Variants in GTF2A1 observed in about 807,000 individuals in gnomAD.
The protein encoded by GTF2A1 is transcription initiation factor IIA subunit 1.
A neutral mutation model predicts 54.1 loss-of-function variants in GTF2A1; 12 were observed. That is an observed-to-expected ratio of 0.22 (90% CI 0.14 to 0.36). The LOEUF (loss-of-function observed/expected upper bound fraction) is 0.36. GTF2A1 is among the 10% of genes least tolerant of loss of function. The pLI, the probability that GTF2A1 is intolerant of heterozygous loss-of-function variation, is 1.00. For missense variants in GTF2A1, 335 were observed against 442.2 expected, an observed-to-expected ratio of 0.76 and a Z score of 2.17; for synonymous variants, 145 against 152.0, an observed-to-expected ratio of 0.95 and a Z score of 0.34.
At chr14:81,214,351 A>G (rs1050499349) in intron 2 of GTF2A1, among the ~76,000 whole-genome samples, 1 of 152,178 alleles carries the variant, frequency 6.6e-6, no homozygotes, top group Middle Eastern at 3.2e-3. Flanking sequence ...GATTTATCAA[A>G]TTACTGAGAC....
chr14:81,186,833 C>T (rs1021208359), intron 7 of GTF2A1, among the ~76,000 whole-genome samples: 1 of 151,916 alleles, frequency 6.6e-6, no homozygotes, highest in African/African-American at 2.4e-5. Flanking sequence ...GCCTATAGTC[C>T]CACCTACTCA....
At chr14:81,201,753 TG>T (rs897580084) in intron 3 of GTF2A1, 95 bp from the exon 4 acceptor site, 12 of 779,494 alleles carry the variant, frequency 1.5e-5, no homozygotes, top group African/African-American at 3.5e-5. Flanking sequence ...ACTTTTTTCA[TG>T]TTTTTCATGT....
At chr14:81,209,649 C>T (rs1405847988) in intron 2 of GTF2A1, among the ~76,000 whole-genome samples, 1 of 152,198 alleles carries the variant, frequency 6.6e-6, no homozygotes, top group Non-Finnish European at 1.5e-5. Flanking sequence ...TGTTACCATA[C>T]ACCAACTGCT....
chr14:81,197,529 A>C (rs1224249803), intron 4 of GTF2A1, 45 bp from the exon 5 acceptor site: 3 of 993,416 alleles, frequency 3.0e-6, no homozygotes, highest in Non-Finnish European at 4.6e-6. Flanking sequence ...TACATGTATA[A>C]TACTGTTTCT....
At chr14:81,216,086 A>C (rs1048143965) in intron 2 of GTF2A1, among the ~76,000 whole-genome samples, 2 of 152,236 alleles carry the variant, frequency 1.3e-5, no homozygotes, top group Admixed American at 6.5e-5. Context: ...TAGACCATAA[A>C]ATGTAGAATG....
intron 2 of GTF2A1, among the ~76,000 whole-genome samples, chr14:81,208,439 G>A (rs910179003): frequency 6.6e-6 from 1 of 152,236 alleles, no homozygotes; most frequent in Non-Finnish European, 1.5e-5. Context: ...GTCTGCTACT[G>A]CAGAGGCAGA....
At chr14:81,202,378 C>G (rs1363524307) in intron 3 of GTF2A1, among the ~76,000 whole-genome samples, 1 of 152,156 alleles carries the variant, frequency 6.6e-6, no homozygotes, top group Non-Finnish European at 1.5e-5. Context: ...CTACATAGTC[C>G]TTTTCTTCCA....
At chr14:81,203,485 CAT>C (rs1893158326) in intron 3 of GTF2A1, among the ~76,000 whole-genome samples, 1 of 152,240 alleles carries the variant, frequency 6.6e-6, no homozygotes, top group Admixed American at 6.5e-5. Context: ...TTTGAAAGAA[CAT>C]GTTTTATAGA....
intron 7 of GTF2A1, among the ~76,000 whole-genome samples, chr14:81,185,943 C>T (rs1270238014): frequency 2.0e-5 from 3 of 152,226 alleles, no homozygotes; most frequent in African/African-American, 7.2e-5. Flanking sequence ...ACCTCTGCCT[C>T]CCGGCTTCGA....
rs1426559997 is a variant in GTF2A1 at position 81,179,578 on chromosome 14, T to C, written c.*645A>G. On this transcript the variant is annotated 3_prime_UTR_variant, in exon 9 of 9. Transcript: ENST00000553612. ...TATGAAAACCTAATTAAAATAAATATTCATTCCTGGGTCAAATTTTATCTC... is the reference window on the plus strand; with the variant it reads ...TATGAAAACCTAATTAAAATAAATACTCATTCCTGGGTCAAATTTTATCTC... 2.0e-5 allele frequency: 3 copies of C among 152,166 alleles called. No individual in the cohort carries two copies. The highest frequency in any genetic ancestry group is 7.2e-5 in the African/African-American group (3 of 41,448). 9.4% of individuals were successfully genotyped at this position (152,166 alleles called of 1,614,324 possible). A position where few individuals can be genotyped will look rare whatever the true frequency, so the allele number is the denominator to read the frequency against.
Position 81,180,139 on chromosome 14 carries a change from G to T in GTF2A1, c.*84C>A. 1 of 609,876 alleles carries T rather than the reference G, an allele frequency of 1.6e-6. No individual in the cohort carries two copies. Among genetic ancestry groups the T allele is most frequent in the Non-Finnish European group, 2.9e-6 (1 of 339,054 alleles). 37.8% of individuals were successfully genotyped at this position (609,876 alleles called of 1,614,324 possible). ...TCTGACATGCAGAAACGAAGTTTTG[G>T]TTGGCATATGCCCCAAGTTTCAAAC... On this transcript the variant is annotated 3_prime_UTR_variant, in exon 9 of 9. Coordinates refer to ENST00000553612, the MANE Select transcript of GTF2A1 (RefSeq NM_015859.4).
intron 2 of GTF2A1, among the ~76,000 whole-genome samples, chr14:81,212,018 G>T (rs936720030): frequency 6.6e-6 from 1 of 151,184 alleles, no homozygotes; most frequent in African/African-American, 2.4e-5. Context: ...AGTGCTACTG[G>T]CATCTAGTGG....
At position 81,220,878 on chromosome 14, in the gene GTF2A1, G is replaced by C. The variant is rs1028009587; in HGVS notation, c.-360C>G. 7.7e-6 allele frequency: 2 copies of C among 258,240 alleles called. No individual in the cohort carries two copies. The highest frequency in any genetic ancestry group is 1.4e-4 in the East Asian group (2 of 13,798). 16.0% of individuals were successfully genotyped at this position (258,240 alleles called of 1,614,324 possible). On this transcript the variant is annotated 5_prime_UTR_variant, in exon 1 of 9. Coordinates refer to ENST00000553612, the MANE Select transcript of GTF2A1 (RefSeq NM_015859.4). Reference sequence around the variant, plus strand: ...CCACCGGCTGCAGCTCCAGCCGTCCGGTCCGCCCGCTTCTCTCCTTTATAT... The same window carrying C: ...CCACCGGCTGCAGCTCCAGCCGTCCCGTCCGCCCGCTTCTCTCCTTTATAT...
chr14:81,205,634 T>A (rs1167515209), intron 2 of GTF2A1, among the ~76,000 whole-genome samples: 1 of 152,262 alleles, frequency 6.6e-6, no homozygotes, highest in Non-Finnish European at 1.5e-5. Context: ...CAGTTAGTCC[T>A]GGTTTGGCCA....
Position 81,220,541 on chromosome 14 carries a change from A to AG in GTF2A1, c.-24dup. On this transcript the variant is annotated 5_prime_UTR_variant, in exon 1 of 9. Coordinates refer to ENST00000553612, the MANE Select transcript of GTF2A1 (RefSeq NM_015859.4). ...CATTTCCACACACAACACAAACAAG[A>AG]GGGGGCAACCCCAAGAAAACAAGAT... 3 of 1,551,836 alleles carry AG rather than the reference A, an allele frequency of 1.9e-6. No homozygotes were observed. Among genetic ancestry groups the AG allele is most frequent in the African/African-American group, 1.4e-5 (1 of 73,030 alleles).
At chr14:81,180,936 T>C (rs1892625903) in intron 8 of GTF2A1, among the ~76,000 whole-genome samples, 2 of 152,224 alleles carry the variant, frequency 1.3e-5, no homozygotes, top group Non-Finnish European at 2.9e-5. Context: ...TATTTGTAAG[T>C]AATACAATTA....
At chr14:81,182,172 T>G (rs554611567) in intron 8 of GTF2A1, among the ~76,000 whole-genome samples, 120 of 152,156 alleles carry the variant, frequency 7.9e-4, no homozygotes, top group African/African-American at 2.8e-3. Context: ...TTCTTCTGGA[T>G]TCAAACTTTG....
At chr14:81,203,276 G>GCCT (rs1893154017) in intron 3 of GTF2A1, among the ~76,000 whole-genome samples, 1 of 152,160 alleles carries the variant, frequency 6.6e-6, no homozygotes, top group Non-Finnish European at 1.5e-5. Context: ...CACAGTCTAT[G>GCCT]AATATTTGCT....
chr14:81,215,812 G>A (rs1262659461), intron 2 of GTF2A1, among the ~76,000 whole-genome samples: 4 of 152,098 alleles, frequency 2.6e-5, no homozygotes, highest in Admixed American at 1.3e-4. Flanking sequence ...GAGGCGGGAG[G>A]ATCACTTGCA....
Sources: gnomAD v4.1 joint callset for allele counts (sites outside exome capture counted in the v4.1 genomes callset) on GRCh38, gnomAD v4.1.1 for gene constraint, MANE v1.5 for transcripts, NCBI Gene and HGNC (gene_info 2026-07-23, HGNC 2026-07-21) for gene names.